The following NSRP1 variants were observed in gnomAD, a reference collection of about 807,000 sequenced individuals.
NSRP1 encodes the protein coiled-coil domain containing 55.
A neutral mutation model predicts 54.7 loss-of-function variants in NSRP1; 24 were observed. The ratio of observed to expected loss-of-function variants is 0.44; its 90% confidence interval spans 0.32 to 0.62. NSRP1 has a LOEUF of 0.62. NSRP1 is among the 20% of genes least tolerant of loss of function. The pLI is 0.06. For missense variants in NSRP1, 596 were observed against 651.2 expected, an observed-to-expected ratio of 0.92 and a Z score of 0.92; for synonymous variants, 210 against 213.8, an observed-to-expected ratio of 0.98 and a Z score of 0.15.
intron 2 of NSRP1, among the ~76,000 whole-genome samples, chr17:30,170,816 A>G (rs920845685): frequency 6.6e-6 from 1 of 152,170 alleles, no homozygotes; most frequent in Admixed American, 6.5e-5. Context: ...GCTAGGCTGT[A>G]TGGTAGTTCT....
intron 4 of NSRP1, among the ~76,000 whole-genome samples, 176 bp from the exon 5 acceptor site, chr17:30,178,914 A>G (rs1011751627): frequency 2.0e-5 from 3 of 152,124 alleles, no homozygotes; most frequent in African/African-American, 4.8e-5. Flanking sequence ...TGCTACACCT[A>G]AATTTTTATG....
intron 1 of NSRP1, chr17:30,117,622 C>T (rs1044232668): frequency 1.2e-5 from 4 of 342,990 alleles, no homozygotes; most frequent in Admixed American, 8.8e-5. Context: ...TTACACTATC[C>T]AGTCAGTTCT....
In NSRP1 at chr17:30,184,520, T is replaced by G. The variant is rs1173812733; in HGVS notation, c.618-95T>G. On this transcript the variant is annotated intron_variant, in intron 6 of 6. Transcript: ENST00000247026. ...ATATATCACTATAGGTGTATTGATTTGAGTATTGATAAAAATTATATGAAC... is the reference window on the plus strand; with the variant it reads ...ATATATCACTATAGGTGTATTGATTGGAGTATTGATAAAAATTATATGAAC... 3.5e-6 allele frequency: 5 copies of G among 1,432,550 alleles called. No individual in the cohort carries two copies. In the African/African-American group the frequency reaches 7.2e-5, roughly 21 times the overall value. 88.7% of individuals were successfully genotyped at this position (1,432,550 alleles called of 1,614,324 possible). A position where few individuals can be genotyped will look rare whatever the true frequency, so the allele number is the denominator to read the frequency against.
At chr17:30,180,160 T>C (rs1905248213) in intron 5 of NSRP1, among the ~76,000 whole-genome samples, 1 of 148,794 alleles carries the variant, frequency 6.7e-6, no homozygotes, top group South Asian at 2.1e-4. Context: ...AATTGACAAA[T>C]GCTCATCAGC....
chr17:30,185,297 T>C lies in NSRP1; in HGVS notation c.1300T>C (p.Tyr434His). Reference sequence around the variant, plus strand: ...GGAAAGATATGAAAATAATGATAAATACAGAGATAGAGAAAAACGAGAGGT... The same window carrying C: ...GGAAAGATATGAAAATAATGATAAACACAGAGATAGAGAAAAACGAGAGGT... ...RKERYENNDK[Y>H]RDREKREVGV... Residue 434 changes from tyrosine to histidine, a missense_variant, in exon 7 of 7, where the codon TAC becomes CAC. Transcript: ENST00000247026. 1.2e-6 allele frequency: 2 copies of C among 1,605,044 alleles called. No individual in the cohort carries two copies. Among genetic ancestry groups the C allele is most frequent in the Non-Finnish European group, 1.7e-6 (2 of 1,177,596 alleles).
At chr17:30,160,614 T>C (rs1169798252) in intron 2 of NSRP1, among the ~76,000 whole-genome samples, 2 of 152,228 alleles carry the variant, frequency 1.3e-5, no homozygotes, top group African/African-American at 4.8e-5. Context: ...GATGATCTTT[T>C]GTATTTCTGT....
chr17:30,150,934 C>T (rs1375141544), intron 2 of NSRP1, among the ~76,000 whole-genome samples: 2 of 151,678 alleles, frequency 1.3e-5, no homozygotes, highest in African/African-American at 4.9e-5. Flanking sequence ...GTGATCTGCT[C>T]ACCTCGGCCT....
Position 30,184,640 on chromosome 17 carries a change from AG to A in NSRP1, c.647del (p.Gly216AlafsTer6), listed in dbSNP as rs1256411402. On this transcript the variant is annotated frameshift_variant, in exon 7 of 7. Transcript: ENST00000247026. LOFTEE classifies it low-confidence loss of function (END_TRUNC). Reference protein sequence around the residue: ...ARSGIKEEKSRGFSNEVSSKN... With the variant: ...ARSGIKEEKSXGFSNEVSSKN... The stretch of plus-strand genomic sequence containing the variant: ...ATCTGGTATAAAGGAAGAAAAATCA[AG>A]GGGCTTCTCCAATGAAGTAAGTTCA... 2 of 1,567,742 alleles carry A rather than the reference AG, an allele frequency of 1.3e-6. No homozygotes were observed. The highest frequency in any genetic ancestry group is 1.7e-6 in the Non-Finnish European group (2 of 1,159,246).
intron 3 of NSRP1, among the ~76,000 whole-genome samples, chr17:30,174,837 TATC>T (rs1310950460): frequency 6.6e-6 from 1 of 152,220 alleles, no homozygotes; most frequent in South Asian, 2.1e-4. Context: ...CATAAAATGT[TATC>T]ATTTTCATAT....
At chr17:30,140,742 C>T (rs1345507309) in intron 2 of NSRP1, among the ~76,000 whole-genome samples, 1 of 151,862 alleles carries the variant, frequency 6.6e-6, no homozygotes, top group Non-Finnish European at 1.5e-5. Flanking sequence ...GTTGGTCAGG[C>T]TGGTCTCGAA....
chr17:30,161,225 C>G (rs933571504), intron 2 of NSRP1, among the ~76,000 whole-genome samples: 3 of 152,160 alleles, frequency 2.0e-5, no homozygotes, highest in African/African-American at 7.2e-5. Flanking sequence ...CATAGGCTTT[C>G]ATTTCTCTTA....
chr17:30,153,437 G>A (rs374561905), intron 2 of NSRP1, among the ~76,000 whole-genome samples: 2 of 151,956 alleles, frequency 1.3e-5, no homozygotes, highest in South Asian at 4.1e-4. Context: ...ACATTTATAC[G>A]TTTGGTTTCT....
intron 2 of NSRP1, chr17:30,169,007 C>T (rs951270707): frequency 6.6e-6 from 1 of 152,004 alleles, no homozygotes; most frequent in African/African-American, 2.4e-5. Flanking sequence ...CTATTGCACT[C>T]CTTCCATTAT....
intron 2 of NSRP1, among the ~76,000 whole-genome samples, chr17:30,124,475 T>G (rs1049825243): frequency 2.6e-5 from 4 of 152,286 alleles, no homozygotes; most frequent in African/African-American, 9.6e-5. Flanking sequence ...TCCCTCCTGC[T>G]CTTCCTCTTT....
chr17:30,183,283 A>G (rs1057160687), intron 6 of NSRP1, among the ~76,000 whole-genome samples: 4 of 152,050 alleles, frequency 2.6e-5, no homozygotes, highest in Non-Finnish European at 5.9e-5. Flanking sequence ...TTGCTAAGGA[A>G]GGGAAGAGGT....
At chr17:30,173,068 A>G (rs1905012225) in intron 3 of NSRP1, among the ~76,000 whole-genome samples, 1 of 151,906 alleles carries the variant, frequency 6.6e-6, no homozygotes, top group Non-Finnish European at 1.5e-5. Context: ...GGTTCAGGCA[A>G]TTCTCCTGCT....
At chr17:30,121,984 C>T (rs995339433) in intron 2 of NSRP1, among the ~76,000 whole-genome samples, 2 of 152,154 alleles carry the variant, frequency 1.3e-5, no homozygotes, top group East Asian at 3.9e-4. Context: ...CCCCTAAACC[C>T]TGGCAACCAC....
At chr17:30,148,971 CCATA>C (rs2071881974) in intron 2 of NSRP1, among the ~76,000 whole-genome samples, 1 of 151,954 alleles carries the variant, frequency 6.6e-6, no homozygotes, top group Non-Finnish European at 1.5e-5. Flanking sequence ...TAATTTCTGC[CCATA>C]TGTTTATTGC....
chr17:30,127,531 A>G (rs2071661210), intron 2 of NSRP1, among the ~76,000 whole-genome samples: 1 of 152,066 alleles, frequency 6.6e-6, no homozygotes. Flanking sequence ...CCTCTCACTT[A>G]AACACTCCAG....
Sources: gnomAD v4.1 joint callset for allele counts (sites outside exome capture counted in the v4.1 genomes callset) on GRCh38, gnomAD v4.1.1 for gene constraint, MANE v1.5 for transcripts, NCBI Gene and HGNC (gene_info 2026-07-23, HGNC 2026-07-21) for gene names.